Variants in LRCH1 observed in about 807,000 individuals in gnomAD.
LRCH1 encodes leucine-rich repeat and calponin homology domain-containing protein 1.
In LRCH1, 23 loss-of-function variants were observed where a neutral mutation model predicts 94.9. The ratio of observed to expected loss-of-function variants is 0.24; its 90% confidence interval spans 0.17 to 0.34. LRCH1 has a LOEUF of 0.34. Ranked by LOEUF, LRCH1 falls within the 10% of genes least tolerant of loss-of-function variation. LRCH1 has a pLI of 1.00. For synonymous variants in LRCH1, 364 were observed against 354.9 expected, an observed-to-expected ratio of 1.03 and a Z score of -0.29; for missense variants, 790 against 945.9, an observed-to-expected ratio of 0.84 and a Z score of 2.16.
In LRCH1 at chr13:46,560,140, C is replaced by CATATAT. The variant is rs58876595; in HGVS notation, c.307+6441_307+6446dup. 3.7e-5 allele frequency among the ~76,000 whole-genome samples: 5 copies of CATATAT among 133,892 alleles called. No homozygotes were observed. In the South Asian group the frequency reaches 1.1e-3, roughly 29 times the overall value. The allele number at this position is 133,892 out of a possible 152,430, so 87.8% of individuals were successfully genotyped here. A position where few individuals can be genotyped will look rare whatever the true frequency, so the allele number is the denominator to read the frequency against. On this transcript the variant is annotated intron_variant, in intron 1 of 19. Transcript: ENST00000389797. ...TTTTGTGTATACATTTCTGTTCCCCCATATATATAGACTTTTTATATTTCA... is the reference window on the plus strand; with the variant it reads ...TTTTGTGTATACATTTCTGTTCCCCCATATATATATATATAGACTTTTTATATTTCA...
chr13:46,650,077 G>A lies in LRCH1; in HGVS notation c.308-124G>A. On this transcript the variant is annotated intron_variant, in intron 1 of 19. Coordinates refer to ENST00000389797, the MANE Select transcript of LRCH1 (RefSeq NM_001164211.2). ...ATCACAGTGCTGTAGTAACAGAGGT[G>A]CAAAAAAAAATGATAATGTTGGTCA... 8.1e-6 allele frequency: 5 copies of A among 614,764 alleles called. No individual in the cohort carries two copies. In the South Asian group the frequency reaches 1.1e-4, roughly 13 times the overall value. The allele number at this position is 614,764 out of a possible 1,614,324, so 38.1% of individuals were successfully genotyped here.
intron 2 of LRCH1, among the ~76,000 whole-genome samples, chr13:46,668,089 G>T (rs1333923083): frequency 6.6e-6 from 1 of 152,216 alleles, no homozygotes; most frequent in Non-Finnish European, 1.5e-5. Flanking sequence ...CACCAGAAGG[G>T]CAGAGAAAGA....
intron 5 of LRCH1, among the ~76,000 whole-genome samples, chr13:46,687,441 T>C (rs1026811063): frequency 6.6e-6 from 1 of 152,246 alleles, no homozygotes; most frequent in East Asian, 1.9e-4. Flanking sequence ...TTTTAAATAA[T>C]TTAACAGCTT....
intron 3 of LRCH1, among the ~76,000 whole-genome samples, chr13:46,678,979 A>T (rs533656097): frequency 6.6e-5 from 10 of 152,314 alleles, no homozygotes; most frequent in South Asian, 2.1e-4. Context: ...AAAGATTTTT[A>T]AAAAATTATG....
At chr13:46,707,622 A>C (rs1305277737) in intron 13 of LRCH1, among the ~76,000 whole-genome samples, 2 of 152,228 alleles carry the variant, frequency 1.3e-5, no homozygotes, top group African/African-American at 4.8e-5. Flanking sequence ...AAAGACACAA[A>C]GCTTCTGGAA....
At chr13:46,628,937 T>A (rs558642727) in intron 1 of LRCH1, among the ~76,000 whole-genome samples, 50 of 152,366 alleles carry the variant, frequency 3.3e-4, no homozygotes, top group African/African-American at 1.0e-3. Context: ...GCTCTACTGC[T>A]GCTAAACATC....
chr13:46,568,277 A>G (rs1214617875), intron 1 of LRCH1, among the ~76,000 whole-genome samples: 1 of 152,228 alleles, frequency 6.6e-6, no homozygotes, highest in Non-Finnish European at 1.5e-5. Context: ...ATCCTGGCCT[A>G]ATGAATAATA....
Position 46,631,708 on chromosome 13 carries a change from T to G in LRCH1, c.308-18493T>G, listed in dbSNP as rs143160051. ...TCTTTTTAAATATAATTTTTAGTGA[T>G]TTTTTTATTGTGATAAAATATACAT... On this transcript the variant is annotated intron_variant, in intron 1 of 19. Transcript: ENST00000389797. 2.1e-3 allele frequency among the ~76,000 whole-genome samples: 324 copies of G among 151,754 alleles called. 2 individuals are homozygous for G. The highest frequency in any genetic ancestry group is 7.7e-3 in the African/African-American group (318 of 41,050).
intron 1 of LRCH1, among the ~76,000 whole-genome samples, chr13:46,592,245 CAG>C (rs933766576): frequency 2.0e-5 from 3 of 152,132 alleles, no homozygotes; most frequent in Non-Finnish European, 4.4e-5. Context: ...ATTCCTGAGT[CAG>C]AGTCAGCCAC....
chr13:46,660,636 C>T (rs2051436115), intron 2 of LRCH1, among the ~76,000 whole-genome samples: 1 of 152,174 alleles, frequency 6.6e-6, no homozygotes, highest in African/African-American at 2.4e-5. Flanking sequence ...CCTTTGTTGT[C>T]TTTGGTCACA....
At chr13:46,568,130 C>CATGCATGGAA (rs2050204596) in intron 1 of LRCH1, among the ~76,000 whole-genome samples, 1 of 151,580 alleles carries the variant, frequency 6.6e-6, no homozygotes, top group African/African-American at 2.4e-5. Flanking sequence ...CTTTTGGACA[C>CATGCATGGAA]AAGTCCATGC....
Position 46,744,831 on chromosome 13 carries a change from C to A in LRCH1, c.*2983C>A, listed in dbSNP as rs947110724. On this transcript the variant is annotated 3_prime_UTR_variant, in exon 20 of 20. Transcript: ENST00000389797. ...TTTAATATGATTTTATTTCAGGAGA[C>A]TTGATTTTTAAAAATTAGGCTTCGT... The A allele has an allele frequency of 4.1e-6, 4 of 983,268 alleles. No individual in the cohort carries two copies. In the African/African-American group the frequency reaches 7.0e-5, roughly 17 times the overall value. The allele number at this position is 983,268 out of a possible 1,614,324, so 60.9% of individuals were successfully genotyped here.
chr13:46,560,678 G>A (rs2050120780), intron 1 of LRCH1, among the ~76,000 whole-genome samples: 3 of 151,978 alleles, frequency 2.0e-5, no homozygotes, highest in African/African-American at 7.2e-5. Flanking sequence ...AAAGATTTTT[G>A]TTTTTGCATC....
chr13:46,694,285 G>C (rs956305305), intron 8 of LRCH1, among the ~76,000 whole-genome samples: 6 of 152,064 alleles, frequency 3.9e-5, no homozygotes, highest in South Asian at 2.1e-4. Context: ...AGTTCTGCAG[G>C]GTGTTCCTTT....
At chr13:46,658,099 T>C (rs1280377537) in intron 2 of LRCH1, among the ~76,000 whole-genome samples, 1 of 152,164 alleles carries the variant, frequency 6.6e-6, no homozygotes, top group Non-Finnish European at 1.5e-5. Flanking sequence ...AAATAGTTGT[T>C]AGGGATTTTC....
At position 46,570,972 on chromosome 13, in the gene LRCH1, C is replaced by G. The variant is rs550679609; in HGVS notation, c.307+17269C>G. ...GCTTCACTGCTCCTTTCTTTAACTG[C>G]CTTTCTCAGGCATAGAAGTAAAAAG... On this transcript the variant is annotated intron_variant, in intron 1 of 19. Coordinates refer to ENST00000389797, the MANE Select transcript of LRCH1 (RefSeq NM_001164211.2). 2.6e-5 allele frequency among the ~76,000 whole-genome samples: 4 copies of G among 152,342 alleles called. No individual in the cohort carries two copies. In the South Asian group the frequency reaches 8.3e-4, roughly 32 times the overall value.
chr13:46,614,881 T>A (rs2050788650), intron 1 of LRCH1, among the ~76,000 whole-genome samples: 1 of 152,240 alleles, frequency 6.6e-6, no homozygotes, highest in African/African-American at 2.4e-5. Flanking sequence ...GGAATTGTAT[T>A]ATAATGTAGA....
chr13:46,636,059 C>CTTTTTTTTT (rs34118906), intron 1 of LRCH1, among the ~76,000 whole-genome samples: 1 of 73,586 alleles, frequency 1.4e-5, no homozygotes, highest in Non-Finnish European at 2.4e-5. Context: ...CCATGTCAAC[C>CTTTTTTTTT]TTTTTTTTTT....
chr13:46,565,339 G>A (rs1329753799), intron 1 of LRCH1, among the ~76,000 whole-genome samples: 1 of 152,132 alleles, frequency 6.6e-6, no homozygotes, highest in Non-Finnish European at 1.5e-5. Context: ...CGGCAGTCTT[G>A]GGAGGATGGT....
Sources: gnomAD v4.1 joint callset for allele counts (sites outside exome capture counted in the v4.1 genomes callset) on GRCh38, gnomAD v4.1.1 for gene constraint, MANE v1.5 for transcripts, NCBI Gene and HGNC (gene_info 2026-07-23, HGNC 2026-07-21) for gene names.